PCDH7: variants seen among roughly 807,000 people sequenced by gnomAD.
PCDH7 encodes protocadherin-7.
Under a neutral mutation model 58.9 loss-of-function variants are expected in PCDH7, and 17 were observed. That is an observed-to-expected ratio of 0.29 (90% CI 0.20 to 0.43). The LOEUF is 0.43. Among genes scored for constraint, PCDH7 ranks in the 20% least tolerant of loss-of-function variants. The pLI is 1.00. For missense variants in PCDH7, 1,274 were observed against 1,441.0 expected (o/e 0.88, Z 1.88); for synonymous variants, 664 against 616.4 (o/e 1.08, Z -1.14).
chr4:30,829,329 A>G (rs975712732), intron 1 of PCDH7, among the ~76,000 whole-genome samples: 1 of 152,162 alleles, frequency 6.6e-6, no homozygotes, highest in Non-Finnish European at 1.5e-5. Context: ...AAATATATGA[A>G]TATAGAAAAT....
At chr4:30,816,108 T>C (rs960890739) in intron 1 of PCDH7, among the ~76,000 whole-genome samples, 58 of 152,334 alleles carry the variant, frequency 3.8e-4, no homozygotes, top group African/African-American at 1.3e-3. Context: ...CATTATTGGT[T>C]TTGTTCATCC....
intron 1 of PCDH7, among the ~76,000 whole-genome samples, chr4:30,888,104 G>A (rs946108080): frequency 6.6e-6 from 1 of 152,062 alleles, no homozygotes; most frequent in Non-Finnish European, 1.5e-5. Flanking sequence ...TCGAACCCCT[G>A]ACCTCATTAT....
chr4:30,972,714 A>G (rs1366553868), intron 3 of PCDH7, among the ~76,000 whole-genome samples: 1 of 152,190 alleles, frequency 6.6e-6, no homozygotes, highest in Non-Finnish European at 1.5e-5. Flanking sequence ...CACATCGCCC[A>G]CACCCTAAGC....
chr4:30,771,548 T>A (rs1353379687), intron 1 of PCDH7, among the ~76,000 whole-genome samples: 1 of 152,188 alleles, frequency 6.6e-6, no homozygotes. Context: ...ATTCTCCTCC[T>A]GGAGCTCTTT....
intron 3 of PCDH7, among the ~76,000 whole-genome samples, chr4:31,015,444 C>G (rs528799476): frequency 2.0e-5 from 3 of 152,112 alleles, no homozygotes; most frequent in Non-Finnish European, 2.9e-5. Context: ...AAACATATAA[C>G]ACAAACCATG....
intron 3 of PCDH7, among the ~76,000 whole-genome samples, chr4:30,990,867 T>C (rs1751411621): frequency 1.3e-5 from 2 of 152,184 alleles, no homozygotes; most frequent in African/African-American, 2.4e-5. Flanking sequence ...TTATAAGTTA[T>C]TTATGCATAT....
intron 1 of PCDH7, among the ~76,000 whole-genome samples, chr4:30,753,542 A>G (rs1235339331): frequency 6.6e-6 from 1 of 152,182 alleles, no homozygotes; most frequent in Non-Finnish European, 1.5e-5. Context: ...CACGCCATAT[A>G]AGGTAGCATT....
intron 1 of PCDH7, among the ~76,000 whole-genome samples, chr4:30,761,007 G>A (rs1719953553): frequency 6.6e-6 from 1 of 152,128 alleles, no homozygotes; most frequent in Non-Finnish European, 1.5e-5. Context: ...TAATCTTGAT[G>A]TTCACCATTT....
At chr4:30,821,120 A>G (rs755804058) in intron 1 of PCDH7, among the ~76,000 whole-genome samples, 36 of 152,244 alleles carry the variant, frequency 2.4e-4, no homozygotes, top group Non-Finnish European at 4.4e-4. Context: ...CATTTCGCAG[A>G]TGAGGAACTG....
At chr4:31,120,441 C>CTTTTTTTTTTTTTTTTTTTTTTTTTTTT (rs138878762) in intron 3 of PCDH7, among the ~76,000 whole-genome samples, 4 of 107,998 alleles carry the variant, frequency 3.7e-5, no homozygotes, top group Non-Finnish European at 5.7e-5. Context: ...CTATTTTTTT[C>CTTTTTTTTTTTTTTTTTTTTTTTTTTTT]TTTTTTTTTT....
At chr4:31,052,500 T>G (rs1421816563) in intron 3 of PCDH7, among the ~76,000 whole-genome samples, 1 of 152,186 alleles carries the variant, frequency 6.6e-6, no homozygotes, top group Non-Finnish European at 1.5e-5. Context: ...CATTCTGTAG[T>G]GAAAAGATTT....
At chr4:30,999,299 T>C (rs952774118) in intron 3 of PCDH7, among the ~76,000 whole-genome samples, 1 of 152,072 alleles carries the variant, frequency 6.6e-6, no homozygotes, top group African/African-American at 2.4e-5. Context: ...TGTGAGAAAA[T>C]AATAAGTGTG....
At chr4:31,053,976 T>A (rs549480060) in intron 3 of PCDH7, among the ~76,000 whole-genome samples, 9 of 152,280 alleles carry the variant, frequency 5.9e-5, no homozygotes, top group African/African-American at 2.2e-4. Flanking sequence ...TTGTTGTTTT[T>A]TGAGACATGG....
intron 2 of PCDH7, among the ~76,000 whole-genome samples, chr4:30,945,016 A>T (rs1445500024): frequency 1.3e-5 from 2 of 152,114 alleles, no homozygotes; most frequent in Non-Finnish European, 2.9e-5. Flanking sequence ...AAATCTTGAA[A>T]TTTTAATAAA....
intron 3 of PCDH7, among the ~76,000 whole-genome samples, chr4:31,092,677 C>G (rs1713412622): frequency 1.3e-5 from 2 of 152,030 alleles, no homozygotes; most frequent in South Asian, 4.1e-4. Flanking sequence ...TTAAGAGCCT[C>G]TAATTATTCA....
intron 1 of PCDH7, among the ~76,000 whole-genome samples, chr4:30,846,009 A>T (rs185073289): frequency 6.6e-6 from 1 of 152,176 alleles, no homozygotes. Flanking sequence ...AATTATTGGT[A>T]GTCTAATAAT....
intron 3 of PCDH7, among the ~76,000 whole-genome samples, chr4:31,029,931 G>A (rs1421064206): frequency 1.3e-5 from 2 of 152,120 alleles, no homozygotes; most frequent in African/African-American, 4.8e-5. Context: ...TGCAGAAGTA[G>A]TTTAGAAAAC....
intron 1 of PCDH7, among the ~76,000 whole-genome samples, chr4:30,853,634 G>T (rs924845081): frequency 3.7e-4 from 56 of 152,240 alleles, no homozygotes; most frequent in African/African-American, 1.3e-3. Flanking sequence ...TGGAATATGG[G>T]AAGTCATTTG....
intron 2 of PCDH7, among the ~76,000 whole-genome samples, chr4:30,946,727 T>A (rs889951009): frequency 2.8e-4 from 42 of 150,104 alleles, no homozygotes; most frequent in Non-Finnish European, 5.2e-4. Context: ...TGTGTGTGTG[T>A]GACAGAGTCC....
Sources: gnomAD v4.1 joint callset for allele counts (sites outside exome capture counted in the v4.1 genomes callset) on GRCh38, gnomAD v4.1.1 for gene constraint, MANE v1.5 for transcripts, NCBI Gene and HGNC (gene_info 2026-07-23, HGNC 2026-07-21) for gene names.